GLP2R: variants seen among roughly 807,000 people sequenced by gnomAD.
GLP2R encodes the protein glucagon like peptide 2 receptor.
Under a neutral mutation model 68.2 loss-of-function variants are expected in GLP2R, and 59 were observed. The observed-to-expected ratio is 0.87, with a 90% CI of 0.70 to 1.07. The LOEUF (loss-of-function observed/expected upper bound fraction) is 1.07. Among genes scored for constraint, GLP2R ranks in the 50% least tolerant of loss-of-function variants. The pLI, the probability that GLP2R is intolerant of heterozygous loss-of-function variation, is 0.00. For synonymous variants in GLP2R, 270 were observed against 265.4 expected, an observed-to-expected ratio of 1.02 and a Z score of -0.17; for missense variants, 548 against 677.4, an observed-to-expected ratio of 0.81 and a Z score of 2.12.
intron 3 of GLP2R, among the ~76,000 whole-genome samples, chr17:9,839,036 G>A (rs984248034): frequency 2.0e-5 from 3 of 152,232 alleles, no homozygotes; most frequent in African/African-American, 7.2e-5. Context: ...TGATGACGAA[G>A]GAAGCTGGGT....
At chr17:9,869,495 AG>A (rs2067072206) in intron 9 of GLP2R, among the ~76,000 whole-genome samples, 1 of 152,190 alleles carries the variant, frequency 6.6e-6, no homozygotes, top group Non-Finnish European at 1.5e-5. Flanking sequence ...CACCACTTCC[AG>A]GGGGCTCTTG....
intron 3 of GLP2R, among the ~76,000 whole-genome samples, chr17:9,841,571 G>A (rs1433111580): frequency 1.3e-5 from 2 of 152,182 alleles, no homozygotes; most frequent in Non-Finnish European, 2.9e-5. Context: ...TTTAGGGCCG[G>A]GGGATTGGAA....
At chr17:9,849,383 A>G (rs924662320) in intron 4 of GLP2R, among the ~76,000 whole-genome samples, 3 of 151,982 alleles carry the variant, frequency 2.0e-5, no homozygotes, top group African/African-American at 7.2e-5. Flanking sequence ...CTACATTACC[A>G]TTATTTCAAC....
chr17:9,857,279 G>C (rs956348779), intron 5 of GLP2R, 144 bp from the exon 6 acceptor site: 6 of 695,768 alleles, frequency 8.6e-6, no homozygotes, highest in Non-Finnish European at 1.4e-5. Flanking sequence ...GAGATTTACG[G>C]TCACATAATC....
intron 11 of GLP2R, among the ~76,000 whole-genome samples, chr17:9,885,788 C>T (rs763045094): frequency 2.0e-5 from 3 of 151,902 alleles, no homozygotes; most frequent in Non-Finnish European, 4.4e-5. Flanking sequence ...GAGAGAAAAA[C>T]TAGGTCCACT....
chr17:9,854,804 T>C (rs2066921231), intron 5 of GLP2R, among the ~76,000 whole-genome samples: 1 of 152,220 alleles, frequency 6.6e-6, no homozygotes, highest in African/African-American at 2.4e-5. Flanking sequence ...TGATAAAGTT[T>C]AATTTATAAA....
At chr17:9,851,443 C>T (rs1326959787) in intron 4 of GLP2R, among the ~76,000 whole-genome samples, 1 of 152,074 alleles carries the variant, frequency 6.6e-6, no homozygotes, top group Non-Finnish European at 1.5e-5. Context: ...TAAGAGTTGA[C>T]AATAAGCAGA....
At chr17:9,855,418 C>T (rs7209990) in intron 5 of GLP2R, among the ~76,000 whole-genome samples, 30,578 of 152,108 alleles carry the variant, frequency 0.2, 4,118 homozygotes, top group African/African-American at 0.35. Flanking sequence ...ACCTGCTGTG[C>T]GCCCGGCCCT....
In GLP2R at chr17:9,825,992, G is replaced by A. The variant is rs368217865; in HGVS notation, c.-72G>A. 7 of 1,248,230 alleles carry A rather than the reference G, an allele frequency of 5.6e-6. No individual in the cohort carries two copies. In the East Asian group the frequency reaches 1.5e-4, roughly 26 times the overall value. 77.3% of individuals were successfully genotyped at this position (1,248,230 alleles called of 1,614,324 possible). On this transcript the variant is annotated 5_prime_UTR_variant, in exon 1 of 13. Transcript: ENST00000262441. Reference sequence around the variant, plus strand: ...CCTCTGTGGACCAAGAGGAATGCAAGAGGAGGCTGCCTGCGGTGCATCTTG... The same window carrying A: ...CCTCTGTGGACCAAGAGGAATGCAAAAGGAGGCTGCCTGCGGTGCATCTTG...
chr17:9,839,358 G>A (rs2066762867), intron 3 of GLP2R, among the ~76,000 whole-genome samples: 1 of 152,096 alleles, frequency 6.6e-6, no homozygotes, highest in African/African-American at 2.4e-5. Context: ...GAGGGACAGG[G>A]AGGAGTAGAA....
At chr17:9,871,256 A>G (rs374517033) in intron 10 of GLP2R, among the ~76,000 whole-genome samples, 222 of 151,802 alleles carry the variant, frequency 1.5e-3, no homozygotes, top group African/African-American at 5.2e-3. Context: ...TCCCAGGCTA[A>G]GGTGAGGGGC....
At chr17:9,839,567 C>T (rs2066765426) in intron 3 of GLP2R, among the ~76,000 whole-genome samples, 1 of 152,204 alleles carries the variant, frequency 6.6e-6, no homozygotes, top group African/African-American at 2.4e-5. Flanking sequence ...TCTGCTGCTT[C>T]TCCATGGCCT....
intron 4 of GLP2R, among the ~76,000 whole-genome samples, chr17:9,845,845 A>T (rs1364547005): frequency 6.6e-6 from 1 of 152,084 alleles, no homozygotes; most frequent in East Asian, 1.9e-4. Flanking sequence ...ATGCTATTTC[A>T]TATAGTTTTT....
chr17:9,852,877 C>A, intron 4 of GLP2R: 1 of 432,978 alleles, frequency 2.3e-6, no homozygotes, highest in Admixed American at 3.1e-5. Context: ...AAACTTGCTA[C>A]CACTTCCAGG....
rs35339073 is a variant in GLP2R, at chr17:9,834,064, C to G, written c.277+170C>G. Among the ~76,000 whole-genome samples the G allele has an allele frequency of 0.027, 4,100 of 152,276 alleles. 92 individuals are homozygous for G. Among genetic ancestry groups the G allele is most frequent in the Non-Finnish European group, 0.044 (2,977 of 68,024 alleles). ...CCGCTCTGTAATGTCTAGAGTTTAGCTGGAAGACTCCCATGGCCTCTACAC... is the reference window on the plus strand; with the variant it reads ...CCGCTCTGTAATGTCTAGAGTTTAGGTGGAAGACTCCCATGGCCTCTACAC... On this transcript the variant is annotated intron_variant, in intron 2 of 12. Transcript: ENST00000262441.
chr17:9,854,387 A>T (rs1194654569), intron 4 of GLP2R, 108 bp from the exon 5 acceptor site: 1 of 715,670 alleles, frequency 1.4e-6, no homozygotes, highest in East Asian at 2.5e-5. Context: ...ATTTAAAAAA[A>T]TGTTGGGAGT....
At chr17:9,876,285 G>T (rs1038583581) in intron 10 of GLP2R, among the ~76,000 whole-genome samples, 4 of 152,146 alleles carry the variant, frequency 2.6e-5, no homozygotes, top group Non-Finnish European at 5.9e-5. Context: ...GTCCCTGGCT[G>T]GGTCTAAAAA....
At chr17:9,884,385 A>T (rs2067223377) in intron 11 of GLP2R, among the ~76,000 whole-genome samples, 1 of 152,178 alleles carries the variant, frequency 6.6e-6, no homozygotes, top group South Asian at 2.1e-4. Context: ...GGCTCAGAGG[A>T]CTTTCACATG....
rs763497998 is a variant in GLP2R, at chr17:9,860,054, T to C, written c.878T>C (p.Val293Ala). Residue 293 changes from valine (V) to alanine (A), a missense_variant, in exon 7 of 13, where the codon GTG becomes GCG. By Grantham distance (64) the Val-to-Ala change is moderately conservative. Transcript: ENST00000262441. ...CTCCACACGCTGCTGGAGCCCACAG[T>C]GCTTCCTGAGAGGCGGCTGTGGCCC... Reference protein sequence around the residue: ...LYLHTLLEPTVLPERRLWPRY... With the variant: ...LYLHTLLEPTALPERRLWPRY... 1.2e-6 allele frequency: 2 copies of C among 1,612,930 alleles called. No individual in the cohort carries two copies. Among genetic ancestry groups the C allele is most frequent in the Non-Finnish European group, 1.7e-6 (2 of 1,179,546 alleles).
Sources: gnomAD v4.1 joint callset for allele counts (sites outside exome capture counted in the v4.1 genomes callset) on GRCh38, gnomAD v4.1.1 for gene constraint, MANE v1.5 for transcripts, NCBI Gene and HGNC (gene_info 2026-07-23, HGNC 2026-07-21) for gene names.